Variants in COBLL1 observed in about 807,000 individuals in gnomAD.
COBLL1 encodes cordon-bleu protein-like 1.
COBLL1 carries 50 observed loss-of-function variants against 94.8 expected under a neutral mutation model. That is an observed-to-expected ratio of 0.53 (90% CI 0.42 to 0.67). The LOEUF (loss-of-function observed/expected upper bound fraction) is 0.67, where lower values mean the gene tolerates loss of function less well. Among genes scored for constraint, COBLL1 ranks in the 30% least tolerant of loss-of-function variants. The probability of loss-of-function intolerance (pLI) is 0.00; values close to 1 mark genes in which losing one functional copy is unlikely to be tolerated. For synonymous variants in COBLL1, 448 were observed against 473.8 expected, an observed-to-expected ratio of 0.95 and a Z score of 0.71; for missense variants, 1,362 against 1,348.7, an observed-to-expected ratio of 1.01 and a Z score of -0.15.
intron 2 of COBLL1, among the ~76,000 whole-genome samples, chr2:164,804,389 AAAT>A (rs1683982330): frequency 6.6e-6 from 1 of 152,192 alleles, no homozygotes; most frequent in South Asian, 2.1e-4. Context: ...ATGAAAATGA[AAAT>A]AATAAAAGTT....
chr2:164,706,583 T>C (rs1158819110), intron 7 of COBLL1, among the ~76,000 whole-genome samples: 1 of 152,206 alleles, frequency 6.6e-6, no homozygotes, highest in Non-Finnish European at 1.5e-5. Flanking sequence ...TTCCTCTTTA[T>C]CCCTCTGCCA....
Position 164,822,273 on chromosome 2 carries a change from C to T in COBLL1, c.41+18883G>A, listed in dbSNP as rs765960174. On this transcript the variant is annotated intron_variant, in intron 2 of 13. Coordinates refer to ENST00000652658, the MANE Select transcript of COBLL1 (RefSeq NM_001365672.2). ...TTGTCACTGTTCATAATAAGTCACA[C>T]GTTTAAGGCAACAAAGGTAACTGCT... Among the ~76,000 whole-genome samples the T allele has an allele frequency of 2.6e-5, 4 of 152,140 alleles. 1 individual carries two copies. Among genetic ancestry groups the T allele is most frequent in the Admixed American group, 2.0e-4 (3 of 15,272 alleles).
At chr2:164,839,441 T>C (rs1574683375) in intron 2 of COBLL1, among the ~76,000 whole-genome samples, 1 of 152,264 alleles carries the variant, frequency 6.6e-6, no homozygotes, top group Non-Finnish European at 1.5e-5. Context: ...TAAAATAAAA[T>C]ATCAAGAGTA....
At position 164,680,335 on chromosome 2, in the gene COBLL1, G is replaced by A. The variant is rs1682978622; in HGVS notation, c.*5611C>T. 1.3e-5 allele frequency: 2 copies of A among 151,958 alleles called. No homozygotes were observed. Among genetic ancestry groups the A allele is most frequent in the Admixed American group, 1.3e-4 (2 of 15,240 alleles). The allele number at this position is 151,958 out of a possible 1,614,324, so 9.4% of individuals were successfully genotyped here. ...TAATAATAATGTAGAGAGTAATGATGACATTACCAAAATTTCCTAAGTATA... is the reference window on the plus strand; with the variant it reads ...TAATAATAATGTAGAGAGTAATGATAACATTACCAAAATTTCCTAAGTATA... On this transcript the variant is annotated 3_prime_UTR_variant, in exon 14 of 14. Coordinates refer to ENST00000652658, the MANE Select transcript of COBLL1 (RefSeq NM_001365672.2).
chr2:164,751,464 G>T (rs1687121805), intron 2 of COBLL1, among the ~76,000 whole-genome samples: 1 of 152,048 alleles, frequency 6.6e-6, no homozygotes, highest in African/African-American at 2.4e-5. Flanking sequence ...AAAACTTGGT[G>T]GGTTGCTGAG....
At chr2:164,751,587 T>C (rs1687128465) in intron 2 of COBLL1, among the ~76,000 whole-genome samples, 2 of 152,110 alleles carry the variant, frequency 1.3e-5, no homozygotes, top group Non-Finnish European at 2.9e-5. Flanking sequence ...TATGAGGCCA[T>C]TGCCACTGCC....
At chr2:164,779,898 G>T in intron 2 of COBLL1, 1 of 293,272 alleles carries the variant, frequency 3.4e-6, no homozygotes, top group Non-Finnish European at 7.2e-6. Context: ...TCCATCTATG[G>T]GAATGTTCTC....
chr2:164,827,003 T>G (rs1409744228), intron 2 of COBLL1, among the ~76,000 whole-genome samples: 2 of 152,072 alleles, frequency 1.3e-5, no homozygotes, highest in Non-Finnish European at 2.9e-5. Flanking sequence ...CAGGCTAGAG[T>G]GCAGTGGCAT....
At chr2:164,772,970 A>T (rs1389806441) in intron 2 of COBLL1, among the ~76,000 whole-genome samples, 3 of 152,126 alleles carry the variant, frequency 2.0e-5, no homozygotes, top group Non-Finnish European at 4.4e-5. Context: ...GTCCATGCTG[A>T]CGGAGTTAAT....
downstream of COBLL1, among the ~76,000 whole-genome samples, chr2:164,679,938 TA>T (rs1381722749): frequency 1.3e-5 from 2 of 148,726 alleles, no homozygotes; most frequent in African/African-American, 5.1e-5. Context: ...AATATAAATA[TA>T]AATAATAATA....
intron 11 of COBLL1, among the ~76,000 whole-genome samples, chr2:164,698,963 T>C (rs184401307): frequency 1.3e-5 from 2 of 152,088 alleles, no homozygotes; most frequent in African/African-American, 4.8e-5. Context: ...TATTAGATGA[T>C]TTGGGCCTTG....
At chr2:164,679,785 G>T (rs189248668), downstream of COBLL1, among the ~76,000 whole-genome samples, 28 of 151,272 alleles carry the variant, frequency 1.9e-4, no homozygotes, top group East Asian at 4.9e-3. Context: ...CTCTCGGGGG[G>T]TGGGGGCGGG....
intron 5 of COBLL1, chr2:164,722,879 C>T (rs1348684817): frequency 3.2e-5 from 5 of 156,810 alleles, no homozygotes; most frequent in Admixed American, 1.3e-4. Flanking sequence ...GACATGAAAT[C>T]GCTACCACAC....
chr2:164,714,063 T>G (rs564742652), intron 7 of COBLL1, among the ~76,000 whole-genome samples: 4 of 152,038 alleles, frequency 2.6e-5, no homozygotes, highest in Non-Finnish European at 5.9e-5. Context: ...AAGAAGAAGA[T>G]AATAGACCTA....
At chr2:164,696,798 T>C (rs1443464233) in intron 11 of COBLL1, 1 of 152,224 alleles carries the variant, frequency 6.6e-6, no homozygotes, top group African/African-American at 2.4e-5. Flanking sequence ...ATTAAGTCAT[T>C]CCTCTGCTCC....
At chr2:164,690,747 A>G (rs992054554) in intron 13 of COBLL1, among the ~76,000 whole-genome samples, 2 of 152,090 alleles carry the variant, frequency 1.3e-5, no homozygotes, top group African/African-American at 2.4e-5. Context: ...GCTTCATTTT[A>G]TTCATTTTCA....
chr2:164,695,345 C>T lies in COBLL1; in HGVS notation c.2047G>A (p.Asp683Asn), dbSNP rs1029966535. 5.6e-6 allele frequency: 9 copies of T among 1,613,942 alleles called. No individual in the cohort carries two copies. Among genetic ancestry groups the T allele is most frequent in the Non-Finnish European group, 7.6e-6 (9 of 1,179,938 alleles). ...VKDPICAHGNDDLLPPVDRID... is the reference protein window; with the variant it reads ...VKDPICAHGNNDLLPPVDRID... ...CTATCTACAGGAGGCAAAAGATCAT[C>T]ATTACCATGTGCACAAATTGGATCT... Residue 683 changes from aspartate to asparagine, a missense_variant, in exon 12 of 14, where the codon GAT (aspartate) becomes AAT (asparagine). Coordinates refer to ENST00000652658, the MANE Select transcript of COBLL1 (RefSeq NM_001365672.2).
At chr2:164,814,474 T>C (rs903022458) in intron 2 of COBLL1, among the ~76,000 whole-genome samples, 3 of 152,326 alleles carry the variant, frequency 2.0e-5, no homozygotes, top group East Asian at 1.9e-4. Context: ...CTGATGGAGT[T>C]TGACACATAG....
intron 2 of COBLL1, among the ~76,000 whole-genome samples, chr2:164,794,548 A>ACACACCT (rs1345910200): frequency 1.3e-5 from 2 of 152,124 alleles, no homozygotes; most frequent in East Asian, 3.9e-4. Context: ...GTCATATAAG[A>ACACACCT]CTGTATTTAG....
Sources: gnomAD v4.1 joint callset for allele counts (sites outside exome capture counted in the v4.1 genomes callset) on GRCh38, gnomAD v4.1.1 for gene constraint, MANE v1.5 for transcripts, NCBI Gene and HGNC (gene_info 2026-07-23, HGNC 2026-07-21) for gene names.